MGAT4C: variants seen among roughly 807,000 people sequenced by gnomAD.
MGAT4C encodes MGAT4 family member C.
A neutral mutation model predicts 40.1 loss-of-function variants in MGAT4C; 19 were observed. The ratio of observed to expected loss-of-function variants is 0.47; its 90% CI spans 0.33 to 0.70. The LOEUF (loss-of-function observed/expected upper bound fraction) is 0.70. Among genes scored for constraint, MGAT4C ranks in the 30% least tolerant of loss-of-function variants. The probability of loss-of-function intolerance (pLI) is 0.02; values close to 1 mark genes in which losing one functional copy is unlikely to be tolerated. For missense variants in MGAT4C, 491 were observed against 563.2 expected, an observed-to-expected ratio of 0.87 and a Z score of 1.30; for synonymous variants, 181 against 187.1, an observed-to-expected ratio of 0.97 and a Z score of 0.27.
chr12:86,342,729 G>T (rs1954930623), intron 3 of MGAT4C, among the ~76,000 whole-genome samples: 1 of 152,080 alleles, frequency 6.6e-6, no homozygotes, highest in African/African-American at 2.4e-5. Context: ...GTGAGCCACT[G>T]CTCCCAGCCA....
intron 2 of MGAT4C, among the ~76,000 whole-genome samples, chr12:86,451,353 C>T (rs1202451209): frequency 2.0e-5 from 3 of 152,170 alleles, no homozygotes; most frequent in Non-Finnish European, 4.4e-5. Context: ...GTTTCCTGTA[C>T]ACCTGCAGAA....
intron 2 of MGAT4C, among the ~76,000 whole-genome samples, chr12:86,720,174 T>C (rs1565946883): frequency 6.6e-6 from 1 of 152,206 alleles, no homozygotes; most frequent in African/African-American, 2.4e-5. Context: ...TAAGATTAAA[T>C]GTAAACTTTT....
At chr12:86,727,550 G>A (rs1358149203) in intron 1 of MGAT4C, among the ~76,000 whole-genome samples, 4 of 151,670 alleles carry the variant, frequency 2.6e-5, no homozygotes, top group African/African-American at 9.7e-5. Flanking sequence ...GCAAAGGAAA[G>A]CCAGAAGTTA....
intron 4 of MGAT4C, among the ~76,000 whole-genome samples, chr12:86,290,883 C>T (rs958242010): frequency 1.3e-5 from 2 of 151,858 alleles, no homozygotes; most frequent in African/African-American, 4.8e-5. Context: ...CAGAGTATTA[C>T]AAGAAAGAGA....
chr12:86,693,797 G>A (rs1289579784), intron 2 of MGAT4C, among the ~76,000 whole-genome samples: 5 of 152,030 alleles, frequency 3.3e-5, no homozygotes. Flanking sequence ...TTTTATTTAT[G>A]TCTCATTAGG....
chr12:86,233,113 C>T (rs533579302), intron 1 of MGAT4C, among the ~76,000 whole-genome samples: 1 of 152,096 alleles, frequency 6.6e-6, no homozygotes, highest in Admixed American at 6.6e-5. Flanking sequence ...TAGATTTATT[C>T]TGTTGTATCA....
Position 86,418,496 on chromosome 12 carries a change from G to A in MGAT4C, c.-120+16661C>T, listed in dbSNP as rs370852399. ...AATCTCAGCTACTCAGGAGGCTGGC[G>A]CAGGAGAATCTCTTCAACCGGGAGG... On this transcript the variant is annotated intron_variant, in intron 3 of 7. Coordinates refer to the MGAT4C transcript ENST00000548651. 6.6e-5 allele frequency among the ~76,000 whole-genome samples: 10 copies of A among 152,032 alleles called. No individual in the cohort carries two copies. In the East Asian group the frequency reaches 1.2e-3, roughly 18 times the overall value.
chr12:86,034,491 A>T (rs1891039481), intron 2 of MGAT4C, among the ~76,000 whole-genome samples: 1 of 149,138 alleles, frequency 6.7e-6, no homozygotes, highest in Admixed American at 6.8e-5. Flanking sequence ...TATCTCTCAG[A>T]ATTGACCAAT....
intron 1 of MGAT4C, among the ~76,000 whole-genome samples, chr12:86,212,905 AAAAAAAAAAAAAAAAAG>A (rs1252760794): frequency 4.8e-5 from 7 of 146,240 alleles, no homozygotes; most frequent in South Asian, 2.2e-4. Context: ...AAAAAAAAAA[AAAAAAAAAAAAAAAAAG>A]AACACTCATT....
chr12:86,768,667 G>A (rs1320205555), intron 1 of MGAT4C, among the ~76,000 whole-genome samples: 1 of 152,006 alleles, frequency 6.6e-6, no homozygotes, highest in Admixed American at 6.6e-5. Flanking sequence ...TACCAAAACA[G>A]AGATATAGAT....
intron 4 of MGAT4C, among the ~76,000 whole-genome samples, chr12:86,279,002 G>A (rs1413884615): frequency 1.6e-5 from 1 of 64,124 alleles, no homozygotes; most frequent in Non-Finnish European, 3.9e-5. Context: ...TAAATCTCAT[G>A]TGATCATAAG....
chr12:86,777,765 T>C (rs1951769805), intron 1 of MGAT4C, among the ~76,000 whole-genome samples: 1 of 152,198 alleles, frequency 6.6e-6, no homozygotes. Context: ...CTTTGAAGTA[T>C]GTGTTCAAAT....
At chr12:86,129,243 T>C (rs894962134) in intron 1 of MGAT4C, among the ~76,000 whole-genome samples, 12 of 149,162 alleles carry the variant, frequency 8.0e-5, no homozygotes, top group African/African-American at 3.0e-4. Flanking sequence ...GGGAGATCTG[T>C]GCAGGGGGAA....
chr12:86,151,350 CAA>C (rs1593081579), intron 1 of MGAT4C, among the ~76,000 whole-genome samples: 6 of 152,156 alleles, frequency 3.9e-5, no homozygotes, highest in East Asian at 1.9e-4. Flanking sequence ...CGGTGGCTCA[CAA>C]CTGTAATCCC....
chr12:86,280,421 T>TA (rs1479027781), intron 4 of MGAT4C, among the ~76,000 whole-genome samples: 3 of 151,952 alleles, frequency 2.0e-5, no homozygotes, highest in African/African-American at 7.2e-5. Context: ...TTTATATTAT[T>TA]AAAAGGTAAC....
At chr12:86,632,758 G>T (rs1963100653) in intron 2 of MGAT4C, among the ~76,000 whole-genome samples, 1 of 151,488 alleles carries the variant, frequency 6.6e-6, no homozygotes, top group Non-Finnish European at 1.5e-5. Context: ...GGCCTGTTGT[G>T]GGGTGGGGGG....
At chr12:86,645,227 T>C (rs1963507801) in intron 2 of MGAT4C, among the ~76,000 whole-genome samples, 1 of 151,778 alleles carries the variant, frequency 6.6e-6, no homozygotes, top group Admixed American at 6.6e-5. Context: ...ACACAACCTT[T>C]AGCAGTGCAT....
intron 2 of MGAT4C, among the ~76,000 whole-genome samples, chr12:86,467,947 T>C (rs1281403735): frequency 6.6e-6 from 1 of 152,118 alleles, no homozygotes; most frequent in Non-Finnish European, 1.5e-5. Context: ...TTGAATTAGC[T>C]GCTATCTTTT....
At chr12:86,467,128 C>T (rs1957693239) in intron 2 of MGAT4C, among the ~76,000 whole-genome samples, 1 of 152,064 alleles carries the variant, frequency 6.6e-6, no homozygotes, top group Non-Finnish European at 1.5e-5. Context: ...CTTGAAGCTC[C>T]ATATGACCAA....
Sources: allele counts gnomAD v4.1 joint callset (sites outside exome capture counted in the v4.1 genomes callset), GRCh38; gene constraint gnomAD v4.1.1; transcripts MANE v1.5; gene names NCBI Gene and HGNC (gene_info 2026-07-23, HGNC 2026-07-21).